Variants in CDKN2C observed in about 807,000 individuals in gnomAD.
CDKN2C encodes cyclin-dependent kinase 4 inhibitor C.
CDKN2C carries 5 observed loss-of-function variants against 11.0 expected under a neutral mutation model. The observed-to-expected ratio is 0.45, with a 90% CI of 0.24 to 0.95. The LOEUF (loss-of-function observed/expected upper bound fraction) is 0.95, where lower values mean the gene tolerates loss of function less well. Ranked by LOEUF, CDKN2C falls within the 40% of genes least tolerant of loss-of-function variation. The probability of loss-of-function intolerance (pLI) is 0.21; values close to 1 mark genes in which losing one functional copy is unlikely to be tolerated. For missense variants in CDKN2C, 161 were observed against 211.9 expected (o/e 0.76, Z 1.49); for synonymous variants, 79 against 88.3 (o/e 0.89, Z 0.59).
At chr1:50,973,803 G>C (rs563197909) in intron 1 of CDKN2C, 90 bp from the exon 2 acceptor site, 1 of 1,482,380 alleles carries the variant, frequency 6.7e-7, no homozygotes, top group South Asian at 1.1e-5. Context: ...AAAATAAATA[G>C]TTACATAAAT....
chr1:50,964,747 A>G (rs1645339359), intron 1 of CDKN2C, among the ~76,000 whole-genome samples: 1 of 152,184 alleles, frequency 6.6e-6, no homozygotes, highest in Admixed American at 6.5e-5. Context: ...ACTTCACAGA[A>G]TTGTTGTAAA....
rs1470468386 is a variant in CDKN2C, at chr1:50,974,285, C to A, written c.*15C>A. The A allele has an allele frequency of 1.3e-6, 2 of 1,532,710 alleles. No homozygotes were observed. Among genetic ancestry groups the A allele is most frequent in the Non-Finnish European group, 1.8e-6 (2 of 1,141,962 alleles). The allele number at this position is 1,532,710 out of a possible 1,614,324, so 94.9% of individuals were successfully genotyped here. A position where few individuals can be genotyped will look rare whatever the true frequency, so the allele number is the denominator to read the frequency against. ...ATCTTCAATAAACGTGGGGAGGGCTCCCCCACGTTGCCTCTACTTTATCAA... is the reference window on the plus strand; with the variant it reads ...ATCTTCAATAAACGTGGGGAGGGCTACCCCACGTTGCCTCTACTTTATCAA... On this transcript the variant is annotated 3_prime_UTR_variant, in exon 2 of 2. Transcript: ENST00000371761.
chr1:50,966,791 T>C (rs981930887), upstream of CDKN2C, among the ~76,000 whole-genome samples: 6 of 151,688 alleles, frequency 4.0e-5, no homozygotes, highest in Non-Finnish European at 7.4e-5. Context: ...GCAAAACCAC[T>C]GAAGTAGCCA....
At chr1:50,961,531 A>G (rs143872224) in intron 1 of CDKN2C, among the ~76,000 whole-genome samples, 172 of 152,368 alleles carry the variant, frequency 1.1e-3, no homozygotes, top group African/African-American at 4.0e-3. Context: ...TTGGGAAAAT[A>G]TCAGCTTCTG....
chr1:50,974,485 A>G lies in CDKN2C; in HGVS notation c.*215A>G, dbSNP rs1645399153. 16 of 432,706 alleles carry G rather than the reference A, an allele frequency of 3.7e-5. No individual in the cohort carries two copies. In the East Asian group the frequency reaches 4.4e-4, roughly 12 times the overall value. The allele number at this position is 432,706 out of a possible 1,614,324, so 26.8% of individuals were successfully genotyped here. A position where few individuals can be genotyped will look rare whatever the true frequency, so the allele number is the denominator to read the frequency against. On this transcript the variant is annotated 3_prime_UTR_variant, in exon 2 of 2. Coordinates refer to ENST00000371761, the MANE Select transcript of CDKN2C (RefSeq NM_078626.3). ...AATCTGTTCTAACATGTAATTGCAG[A>G]TAACTTTGACTTTCTTCTGAATATT...
At chr1:50,966,735 T>C (rs1303207482), upstream of CDKN2C, among the ~76,000 whole-genome samples, 7 of 114,406 alleles carry the variant, frequency 6.1e-5, no homozygotes, top group Middle Eastern at 4.2e-3. Flanking sequence ...AAAACCAGAA[T>C]GTTAAAAAAA....
intron 1 of CDKN2C, among the ~76,000 whole-genome samples, chr1:50,972,705 C>A (rs533676803): frequency 3.9e-4 from 59 of 152,176 alleles, no homozygotes; most frequent in Admixed American, 7.2e-4. Context: ...TTATAAGAGA[C>A]CACTGTTAGA....
Position 50,970,410 on chromosome 1 carries a change from C to T in CDKN2C, c.42C>T (p.Ala14=). Residue 14 remains alanine, a synonymous_variant, in exon 1 of 2, where the codon GCC becomes GCT. Transcript: ENST00000371761. ...PWGNELASAA[A]RGDLEQLTSL... is the part of the protein sequence containing the mutation. ...GGAACGAGTTGGCGTCCGCAGCTGC[C>T]AGGGGGGACCTAGAGCAACTTACTA... 1 of 1,614,104 alleles carries T rather than the reference C, an allele frequency of 6.2e-7. No individual in the cohort carries two copies. The highest frequency in any genetic ancestry group is 1.1e-5 in the South Asian group (1 of 91,074).
Position 50,974,327 on chromosome 1 carries a change from CCTG to C in CDKN2C, c.*58_*60del. ...CTTTATCAATTAACTGAGTAGCTCTCCTGACTTTTAATGTCATTTGTTAAAATA... is the reference window on the plus strand; with the variant it reads ...CTTTATCAATTAACTGAGTAGCTCTCACTTTTAATGTCATTTGTTAAAATA... On this transcript the variant is annotated 3_prime_UTR_variant, in exon 2 of 2. Coordinates refer to ENST00000371761, the MANE Select transcript of CDKN2C (RefSeq NM_078626.3). 4.7e-6 allele frequency: 7 copies of C among 1,483,500 alleles called. No homozygotes were observed. The highest frequency in any genetic ancestry group is 6.3e-6 in the Non-Finnish European group (7 of 1,108,274). 91.9% of individuals were successfully genotyped at this position (1,483,500 alleles called of 1,614,324 possible).
upstream of CDKN2C, among the ~76,000 whole-genome samples, chr1:50,966,338 C>T (rs1249581249): frequency 6.6e-6 from 1 of 152,072 alleles, no homozygotes; most frequent in African/African-American, 2.4e-5. Flanking sequence ...CCACTGCGCC[C>T]GGCCACTTCT....
chr1:50,964,813 TG>T (rs1390779924), intron 1 of CDKN2C, among the ~76,000 whole-genome samples: 2 of 152,174 alleles, frequency 1.3e-5, no homozygotes, highest in African/African-American at 4.8e-5. Flanking sequence ...CCCAGCACTT[TG>T]GGAGGCCAAG....
upstream of CDKN2C, chr1:50,970,203 G>A: frequency 1.3e-6 from 1 of 780,172 alleles, no homozygotes; most frequent in South Asian, 1.8e-5. Flanking sequence ...GCGGGCTTTT[G>A]GCAGGCAGAT....
rs12855 is a variant in CDKN2C, at chr1:50,974,421, C to A, written c.*151C>A. On this transcript the variant is annotated 3_prime_UTR_variant, in exon 2 of 2. Coordinates refer to ENST00000371761, the MANE Select transcript of CDKN2C (RefSeq NM_078626.3). Reference sequence around the variant, plus strand: ...GCATAAGTGAAAATCTTACAACAGGCTTATGAATATATTTAAGCAACATCT... The same window carrying A: ...GCATAAGTGAAAATCTTACAACAGGATTATGAATATATTTAAGCAACATCT... 5.9e-6 allele frequency: 4 copies of A among 677,372 alleles called. No individual in the cohort carries two copies. The African/African-American group carries it at 7.2e-5, about 12-fold the overall frequency. The allele number at this position is 677,372 out of a possible 1,614,324, so 42.0% of individuals were successfully genotyped here. A position where few individuals can be genotyped will look rare whatever the true frequency, so the allele number is the denominator to read the frequency against.
At chr1:50,967,217 C>T (rs1397048826), upstream of CDKN2C, among the ~76,000 whole-genome samples, 2 of 152,076 alleles carry the variant, frequency 1.3e-5, no homozygotes, top group Non-Finnish European at 2.9e-5. Context: ...TTACACAGTT[C>T]CCAGAATAAT....
chr1:50,974,302 C>CTT lies in CDKN2C; in HGVS notation c.*34_*35dup. ...GGAGGGCTCCCCCACGTTGCCTCTA[C>CTT]TTTATCAATTAACTGAGTAGCTCTC... On this transcript the variant is annotated 3_prime_UTR_variant, in exon 2 of 2. Coordinates refer to ENST00000371761, the MANE Select transcript of CDKN2C (RefSeq NM_078626.3). 1 of 1,520,896 alleles carries CTT rather than the reference C, an allele frequency of 6.6e-7. No individual in the cohort carries two copies. The highest frequency in any genetic ancestry group is 2.2e-5 in the Admixed American group (1 of 44,980). 94.2% of individuals were successfully genotyped at this position (1,520,896 alleles called of 1,614,324 possible).
chr1:50,970,238 C>T, upstream of CDKN2C: 1 of 1,106,508 alleles, frequency 9.0e-7, no homozygotes, highest in Non-Finnish European at 1.3e-6. Context: ...CTACCAAGCT[C>T]TACTCCAGAT....
Position 50,974,245 on chromosome 1 carries a change from C to CT in CDKN2C, c.483dup (p.Gly162TrpfsTer23). 1 of 1,565,516 alleles carries CT rather than the reference C, an allele frequency of 6.4e-7. No individual in the cohort carries two copies. The highest frequency in any genetic ancestry group is 8.7e-7 in the Non-Finnish European group (1 of 1,154,914). On this transcript the variant is annotated frameshift_variant, in exon 2 of 2. Coordinates refer to ENST00000371761, the MANE Select transcript of CDKN2C (RefSeq NM_078626.3). LOFTEE classifies it high-confidence loss of function. ...GTTAGCCTGATGCAGGCAAACGGGGCTGGGGGAGCCACAAATCTTCAATAA... is the reference window on the plus strand; with the variant it reads ...GTTAGCCTGATGCAGGCAAACGGGGCTTGGGGGAGCCACAAATCTTCAATAA...
intron 1 of CDKN2C, among the ~76,000 whole-genome samples, chr1:50,961,203 GT>G (rs921022597): frequency 1.3e-5 from 2 of 151,834 alleles, no homozygotes; most frequent in East Asian, 3.9e-4. Flanking sequence ...GCCCGGCTAA[GT>G]TTTTTTTGTA....
At chr1:50,968,638 A>C (rs1044394816), upstream of CDKN2C, 1 of 152,046 alleles carries the variant, frequency 6.6e-6, no homozygotes, top group Non-Finnish European at 1.5e-5. Flanking sequence ...GAGCGCCAGC[A>C]GGGCGGAGGG....
Sources: gnomAD v4.1 joint callset for allele counts (sites outside exome capture counted in the v4.1 genomes callset) on GRCh38, gnomAD v4.1.1 for gene constraint, MANE v1.5 for transcripts, NCBI Gene and HGNC (gene_info 2026-07-23, HGNC 2026-07-21) for gene names.